The following KCNIP1 variants were observed in gnomAD, a reference collection of about 807,000 sequenced individuals.
The protein encoded by KCNIP1 is potassium voltage-gated channel interacting protein 1.
Under a neutral mutation model 33.0 loss-of-function variants are expected in KCNIP1, and 18 were observed. That is an observed-to-expected ratio of 0.55 (90% CI 0.38 to 0.81). KCNIP1 has a LOEUF of 0.81. Ranked by LOEUF, KCNIP1 falls within the 30% of genes least tolerant of loss-of-function variation. KCNIP1 has a pLI of 0.00. For missense variants in KCNIP1, 238 were observed against 271.6 expected, an observed-to-expected ratio of 0.88 and a Z score of 0.87; for synonymous variants, 93 against 98.3, an observed-to-expected ratio of 0.95 and a Z score of 0.32.
intron 1 of KCNIP1, among the ~76,000 whole-genome samples, chr5:170,416,693 C>T (rs1049569740): frequency 7.4e-6 from 1 of 134,362 alleles, no homozygotes; most frequent in African/African-American, 2.7e-5. Context: ...ACTCATTTTA[C>T]CCATTTCCTG....
chr5:170,403,607 C>G (rs566722543), intron 1 of KCNIP1, among the ~76,000 whole-genome samples: 1 of 152,288 alleles, frequency 6.6e-6, no homozygotes, highest in Admixed American at 6.5e-5. Context: ...CTTTGGAGGA[C>G]AGTGGCTTTT....
intron 5 of KCNIP1, among the ~76,000 whole-genome samples, chr5:170,727,891 T>C (rs1158575173): frequency 6.6e-6 from 1 of 152,106 alleles, no homozygotes; most frequent in Non-Finnish European, 1.5e-5. Flanking sequence ...CCCTGAGCCA[T>C]AATCACTGCA....
intron 1 of KCNIP1, among the ~76,000 whole-genome samples, chr5:170,604,815 C>T (rs1758841240): frequency 6.6e-6 from 1 of 152,140 alleles, no homozygotes; most frequent in Non-Finnish European, 1.5e-5. Flanking sequence ...ACAGGTTCAG[C>T]CCCCCCAGGA....
At chr5:170,732,068 T>C (rs4867628) in intron 5 of KCNIP1, among the ~76,000 whole-genome samples, 38,689 of 152,020 alleles carry the variant, frequency 0.25, 6,158 homozygotes, top group East Asian at 0.81. Flanking sequence ...TTGTAAATTT[T>C]CTGTAAGTCT....
intron 1 of KCNIP1, among the ~76,000 whole-genome samples, chr5:170,692,635 A>G (rs1762758332): frequency 6.6e-6 from 1 of 152,248 alleles, no homozygotes; most frequent in African/African-American, 2.4e-5. Context: ...AACTGGGGAT[A>G]CTAATATCAC....
chr5:170,442,147 C>A (rs533345549), intron 1 of KCNIP1, among the ~76,000 whole-genome samples: 3 of 152,196 alleles, frequency 2.0e-5, no homozygotes, highest in African/African-American at 7.2e-5. Flanking sequence ...TAAGACGGTG[C>A]ACCCTGGAGT....
intron 1 of KCNIP1, chr5:170,680,537 A>G (rs1221070686): frequency 6.6e-6 from 1 of 152,260 alleles, no homozygotes; most frequent in Non-Finnish European, 1.5e-5. Flanking sequence ...TACAGTTTCC[A>G]GGGACATTTC....
At chr5:170,688,813 TCCA>T (rs1263534636) in intron 1 of KCNIP1, among the ~76,000 whole-genome samples, 2 of 152,224 alleles carry the variant, frequency 1.3e-5, no homozygotes, top group Non-Finnish European at 2.9e-5. Context: ...CTGGGCCATG[TCCA>T]CCCTGCACCA....
chr5:170,435,485 C>G lies in KCNIP1; in HGVS notation c.88+81521C>G, dbSNP rs60629514. On this transcript the variant is annotated intron_variant, in intron 1 of 7. Coordinates refer to the KCNIP1 transcript ENST00000377360. ...AGTTTCCGCCTCCTCATCTGGAGAG[C>G]GGGGCTGGACAGGATGGTTTTTGGG... is the stretch of plus-strand genomic sequence containing the variant. Among the ~76,000 whole-genome samples, 1,147 of 152,302 alleles carry G rather than the reference C, an allele frequency of 7.5e-3. 16 individuals are homozygous for G. Among genetic ancestry groups the G allele is most frequent in the African/African-American group, 0.027 (1,104 of 41,570 alleles).
At chr5:170,606,318 C>G (rs1013185185) in intron 1 of KCNIP1, among the ~76,000 whole-genome samples, 1 of 152,078 alleles carries the variant, frequency 6.6e-6, no homozygotes, top group African/African-American at 2.4e-5. Flanking sequence ...TGAGAAACTG[C>G]CCAACAGTTT....
At chr5:170,732,171 G>A (rs1373416392) in intron 5 of KCNIP1, among the ~76,000 whole-genome samples, 1 of 152,184 alleles carries the variant, frequency 6.6e-6, no homozygotes, top group Non-Finnish European at 1.5e-5. Flanking sequence ...TAGAAACCAG[G>A]TCAAACATCC....
At chr5:170,511,649 C>T (rs1754933669) in intron 1 of KCNIP1, among the ~76,000 whole-genome samples, 1 of 152,230 alleles carries the variant, frequency 6.6e-6, no homozygotes, top group South Asian at 2.1e-4. Context: ...AGGCACCTTG[C>T]TCGGCTCTTT....
Position 170,489,722 on chromosome 5 carries a change from G to T in KCNIP1, c.88+135758G>T, listed in dbSNP as rs569834418. Reference sequence around the variant, plus strand: ...GAAAAAATGGAGGCTCAGGGCAGAAGTTACCCCCTTTACAACTGACGGGAG... The same window carrying T: ...GAAAAAATGGAGGCTCAGGGCAGAATTTACCCCCTTTACAACTGACGGGAG... On this transcript the variant is annotated intron_variant, in intron 1 of 7. Coordinates refer to the KCNIP1 transcript ENST00000377360. This position sits in a 1 kb window ranked among gnomAD's most constrained non-coding sequence, Gnocchi z 4.3. 6.6e-4 allele frequency among the ~76,000 whole-genome samples: 101 copies of T among 152,350 alleles called. No homozygotes were observed. The highest frequency in any genetic ancestry group is 2.4e-3 in the African/African-American group (100 of 41,580).
chr5:170,461,712 T>G (rs1032618075), intron 1 of KCNIP1, among the ~76,000 whole-genome samples: 164 of 149,716 alleles, frequency 1.1e-3, no homozygotes, highest in Non-Finnish European at 6.4e-4. Context: ...ATAGAGCCAC[T>G]GCACTCCAGC....
At chr5:170,487,559 T>C (rs1427909241) in intron 1 of KCNIP1, among the ~76,000 whole-genome samples, 1 of 150,560 alleles carries the variant, frequency 6.6e-6, no homozygotes, top group East Asian at 1.9e-4. Context: ...TCTGGCTGTG[T>C]CACCCAGGCT....
intron 1 of KCNIP1, among the ~76,000 whole-genome samples, chr5:170,417,238 C>T (rs1755354619): frequency 6.6e-6 from 1 of 152,128 alleles, no homozygotes; most frequent in African/African-American, 2.4e-5. Flanking sequence ...TTTTTGTAAG[C>T]AGTCATTTTG....
intron 1 of KCNIP1, among the ~76,000 whole-genome samples, chr5:170,584,253 G>A (rs940530499): frequency 2.0e-5 from 3 of 152,196 alleles, no homozygotes; most frequent in South Asian, 2.1e-4. Flanking sequence ...CCCAGACTCC[G>A]TGCTTCTTAG....
chr5:170,519,525 G>T (rs957706143), intron 1 of KCNIP1, among the ~76,000 whole-genome samples: 9 of 152,190 alleles, frequency 5.9e-5, no homozygotes, highest in African/African-American at 2.2e-4. Context: ...TGTCCAGTAA[G>T]GTTAGTAATA....
chr5:170,379,086 G>C, intron 1 of KCNIP1: 1 of 1,303,722 alleles, frequency 7.7e-7, no homozygotes, highest in South Asian at 1.5e-5. Flanking sequence ...CTGGATTGGA[G>C]TCGGGGCTTT....
Sources: allele counts gnomAD v4.1 joint callset (sites outside exome capture counted in the v4.1 genomes callset), GRCh38; gene constraint gnomAD v4.1.1; non-coding constraint Gnocchi (gnomAD v3.1); transcripts MANE v1.5; gene names NCBI Gene and HGNC (gene_info 2026-07-23, HGNC 2026-07-21).